Variants in DAB1 observed in about 807,000 individuals in gnomAD.
DAB1 encodes DAB adaptor protein 1, also known as disabled homolog 1.
Under a neutral mutation model 64.6 loss-of-function variants are expected in DAB1, and 15 were observed. That is an observed-to-expected ratio of 0.23 (90% CI 0.16 to 0.36). The LOEUF (loss-of-function observed/expected upper bound fraction) is 0.36, where lower values mean the gene tolerates loss of function less well. Among genes scored for constraint, DAB1 ranks in the 10% least tolerant of loss-of-function variants. The pLI is 1.00. For synonymous variants in DAB1, 235 were observed against 251.9 expected, an observed-to-expected ratio of 0.93 and a Z score of 0.64; for missense variants, 596 against 706.7, an observed-to-expected ratio of 0.84 and a Z score of 1.78.
chr1:57,474,344 T>C (rs1380935557), intron 7 of DAB1, among the ~76,000 whole-genome samples: 4 of 152,198 alleles, frequency 2.6e-5, no homozygotes, highest in Non-Finnish European at 5.9e-5. Flanking sequence ...GTTTCTTCCA[T>C]CTTACAGCCA....
intron 8 of DAB1, among the ~76,000 whole-genome samples, chr1:57,064,360 C>G (rs1650698247): frequency 6.6e-6 from 1 of 152,166 alleles, no homozygotes; most frequent in Non-Finnish European, 1.5e-5. Context: ...GGTGGCCAAA[C>G]AAGACATCTA....
intron 5 of DAB1, among the ~76,000 whole-genome samples, chr1:58,067,221 T>C (rs887105423): frequency 2.6e-5 from 4 of 152,242 alleles, no homozygotes; most frequent in Non-Finnish European, 5.9e-5. Context: ...CATTGTTTAA[T>C]GTCTATTTTC....
At chr1:57,815,207 T>A (rs909733767) in intron 6 of DAB1, among the ~76,000 whole-genome samples, 4 of 152,100 alleles carry the variant, frequency 2.6e-5, no homozygotes, top group Non-Finnish European at 5.9e-5. Flanking sequence ...CAGCTTGGAC[T>A]ACAGGCACCC....
intron 1 of DAB1, among the ~76,000 whole-genome samples, chr1:57,295,690 A>G (rs898675560): frequency 1.3e-5 from 2 of 152,076 alleles, no homozygotes; most frequent in African/African-American, 4.8e-5. Context: ...GATAACATGG[A>G]AGTTGTTTTT....
intron 4 of DAB1, among the ~76,000 whole-genome samples, chr1:58,290,390 T>C (rs1009678627): frequency 4.6e-5 from 7 of 152,070 alleles, no homozygotes; most frequent in Non-Finnish European, 1.0e-4. Flanking sequence ...GAGCAAGTCA[T>C]AAAGCAGCAT....
chr1:58,261,805 T>C (rs958517989), intron 4 of DAB1, among the ~76,000 whole-genome samples: 1 of 152,150 alleles, frequency 6.6e-6, no homozygotes, highest in Admixed American at 6.5e-5. Flanking sequence ...AATCCTCCTG[T>C]CTTGGCCTCC....
At chr1:57,249,339 C>T (rs983368990) in intron 2 of DAB1, among the ~76,000 whole-genome samples, 5 of 152,050 alleles carry the variant, frequency 3.3e-5, no homozygotes, top group East Asian at 1.9e-4. Context: ...CCTCATAAAG[C>T]GATCAATCAT....
rs945741854 is a variant in DAB1 at position 58,143,731 on chromosome 1, A to C, written n.387+6780T>G. Among the ~76,000 whole-genome samples the C allele has an allele frequency of 2.0e-5, 3 of 152,158 alleles. No individual in the cohort carries two copies. In the East Asian group the frequency reaches 5.8e-4, roughly 29 times the overall value. On this transcript the variant is annotated intron_variant and non_coding_transcript_variant, in intron 5 of 20. Transcript: ENST00000485760. The stretch of plus-strand genomic sequence containing the variant: ...CACAGCTGTCTTCTAAGCTGTTATT[A>C]TTTTCCTCCAATAACAGCATGGCAA...
intron 1 of DAB1, among the ~76,000 whole-genome samples, chr1:57,371,119 C>G (rs1260991166): frequency 1.3e-5 from 2 of 152,184 alleles, no homozygotes; most frequent in East Asian, 3.9e-4. Context: ...CAAAACGATC[C>G]ATTTCCTGCT....
At chr1:57,034,435 C>T (rs1192491596) in intron 9 of DAB1, among the ~76,000 whole-genome samples, 1 of 152,182 alleles carries the variant, frequency 6.6e-6, no homozygotes, top group Non-Finnish European at 1.5e-5. Flanking sequence ...ATCTATGTAT[C>T]TATGTCTATT....
chr1:58,441,890 G>T (rs1224509378), intron 3 of DAB1, among the ~76,000 whole-genome samples: 2 of 152,136 alleles, frequency 1.3e-5, no homozygotes, highest in African/African-American at 4.8e-5. Context: ...TTTCTGACTG[G>T]GACCCCCCCA....
intron 4 of DAB1, among the ~76,000 whole-genome samples, chr1:58,159,046 T>C (rs1655370367): frequency 6.6e-6 from 1 of 152,184 alleles, no homozygotes; most frequent in South Asian, 2.1e-4. Flanking sequence ...TTTCGTCTAA[T>C]TCTGAAAGCA....
At chr1:58,201,033 T>C (rs1390994099) in intron 4 of DAB1, among the ~76,000 whole-genome samples, 1 of 151,826 alleles carries the variant, frequency 6.6e-6, no homozygotes, top group Non-Finnish European at 1.5e-5. Context: ...TTTTTTTTTT[T>C]TGAGATGGAG....
At chr1:58,249,500 C>T (rs1229554611) in intron 4 of DAB1, among the ~76,000 whole-genome samples, 1 of 152,050 alleles carries the variant, frequency 6.6e-6, no homozygotes, top group African/African-American at 2.4e-5. Context: ...AAGCATGCGT[C>T]CGGATGGCGG....
chr1:57,239,617 A>G (rs1454274438), intron 2 of DAB1, among the ~76,000 whole-genome samples: 1 of 152,192 alleles, frequency 6.6e-6, no homozygotes, highest in Non-Finnish European at 1.5e-5. Flanking sequence ...TCAAAACAAT[A>G]AGACCTTTCC....
chr1:57,130,219 T>C (rs1657530460), intron 4 of DAB1, among the ~76,000 whole-genome samples: 1 of 152,082 alleles, frequency 6.6e-6, no homozygotes, highest in Non-Finnish European at 1.5e-5. Context: ...AATGTAATAT[T>C]ATTTAACACC....
intron 5 of DAB1, among the ~76,000 whole-genome samples, chr1:57,955,034 G>A (rs1645360125): frequency 6.6e-6 from 1 of 152,182 alleles, no homozygotes; most frequent in Non-Finnish European, 1.5e-5. Context: ...GGCCCTGTTT[G>A]TACAATGTGT....
intron 7 of DAB1, among the ~76,000 whole-genome samples, chr1:57,629,400 C>A (rs796805698): frequency 6.6e-6 from 1 of 152,082 alleles, no homozygotes; most frequent in Non-Finnish European, 1.5e-5. Context: ...GGGGAACACA[C>A]CTGAGTGCTC....
chr1:57,903,642 C>G (rs763129550), intron 5 of DAB1, among the ~76,000 whole-genome samples: 1 of 152,104 alleles, frequency 6.6e-6, no homozygotes, highest in Non-Finnish European at 1.5e-5. Context: ...ATCCCAATTG[C>G]GTATTTCCAT....
Sources: gnomAD v4.1 joint callset for allele counts (sites outside exome capture counted in the v4.1 genomes callset) on GRCh38, gnomAD v4.1.1 for gene constraint, MANE v1.5 for transcripts, NCBI Gene and HGNC (gene_info 2026-07-23, HGNC 2026-07-21) for gene names.